The following LRP1B variants were observed in gnomAD, a reference collection of about 807,000 sequenced individuals.
The protein encoded by LRP1B is LDL receptor related protein 1B.
A neutral mutation model predicts 556.6 loss-of-function variants in LRP1B; 217 were observed. The observed-to-expected ratio is 0.39, with a 90% confidence interval of 0.35 to 0.44. The LOEUF is 0.44. Among genes scored for constraint, LRP1B ranks in the 20% least tolerant of loss-of-function variants. The pLI is 1.00. For missense variants in LRP1B, 5,053 were observed against 5,620.8 expected (o/e 0.90, Z 3.23); for synonymous variants, 2,047 against 1,865.8 (o/e 1.10, Z -2.50).
chr2:141,509,415 T>C (rs962020158), intron 2 of LRP1B, among the ~76,000 whole-genome samples: 8 of 152,148 alleles, frequency 5.3e-5, no homozygotes, highest in Admixed American at 2.0e-4. Flanking sequence ...ACGGAAACAA[T>C]AGGGTGGTTG....
chr2:141,481,881 G>A (rs189744158), intron 2 of LRP1B, among the ~76,000 whole-genome samples: 42 of 152,198 alleles, frequency 2.8e-4, no homozygotes, highest in African/African-American at 9.9e-4. Context: ...AATGTTTGGT[G>A]TTATCATAGT....
intron 2 of LRP1B, among the ~76,000 whole-genome samples, chr2:141,600,758 A>G (rs1303166201): frequency 6.6e-6 from 1 of 152,044 alleles, no homozygotes; most frequent in Non-Finnish European, 1.5e-5. Flanking sequence ...CCCTTTACAA[A>G]CACAGAACTC....
In LRP1B at chr2:141,464,606, A is replaced by ATATT; in HGVS notation, c.343+15789_343+15790insAATA. Among the ~76,000 whole-genome samples the ATATT allele has an allele frequency of 3.8e-4, 34 of 90,532 alleles. 1 individual carries two copies. The highest frequency in any genetic ancestry group is 1.1e-3 in the African/African-American group (26 of 23,364). 59.4% of individuals were successfully genotyped at this position (90,532 alleles called of 152,430 possible). ...TTTGTATATATATATATATATATAT[A>ATATT]TTTTTTTAGTAGAGATGGGGTTTCA... On this transcript the variant is annotated intron_variant, in intron 3 of 90. Transcript: ENST00000389484.
At chr2:140,898,073 C>T (rs1694002448) in intron 23 of LRP1B, among the ~76,000 whole-genome samples, 1 of 152,118 alleles carries the variant, frequency 6.6e-6, no homozygotes, top group Non-Finnish European at 1.5e-5. Context: ...GGGTCTGCCC[C>T]ATAACCTGGG....
At chr2:140,866,534 T>C (rs777142440) in intron 27 of LRP1B, among the ~76,000 whole-genome samples, 1 of 151,992 alleles carries the variant, frequency 6.6e-6, no homozygotes, top group South Asian at 2.1e-4. Flanking sequence ...AGAAACCATA[T>C]GTATAGAAAC....
chr2:141,386,064 G>T (rs1689825666), intron 3 of LRP1B, among the ~76,000 whole-genome samples: 1 of 152,072 alleles, frequency 6.6e-6, no homozygotes, highest in Non-Finnish European at 1.5e-5. Flanking sequence ...GATAGTGACA[G>T]CTTTGTTTTC....
intron 11 of LRP1B, among the ~76,000 whole-genome samples, chr2:141,036,664 C>A (rs1039245346): frequency 6.6e-6 from 1 of 151,942 alleles, no homozygotes; most frequent in Admixed American, 6.6e-5. Context: ...GGTAAGAAAC[C>A]CCCTGGTCCC....
chr2:141,437,705 G>A (rs1680814141), intron 3 of LRP1B, among the ~76,000 whole-genome samples: 1 of 151,806 alleles, frequency 6.6e-6, no homozygotes, highest in Non-Finnish European at 1.5e-5. Context: ...AGAGACAAAA[G>A]CAGCATTGTC....
At chr2:141,505,970 C>T (rs921107994) in intron 2 of LRP1B, among the ~76,000 whole-genome samples, 22 of 152,058 alleles carry the variant, frequency 1.4e-4, no homozygotes, top group African/African-American at 5.3e-4. Flanking sequence ...TTCCAGACTT[C>T]TAGAACATTT....
At chr2:141,968,323 C>A (rs1281630985) in intron 1 of LRP1B, among the ~76,000 whole-genome samples, 1 of 151,708 alleles carries the variant, frequency 6.6e-6, no homozygotes, top group African/African-American at 2.4e-5. Context: ...ATTAACAGTG[C>A]CCTTCTACTG....
At chr2:140,691,602 A>G (rs185677442) in intron 41 of LRP1B, among the ~76,000 whole-genome samples, 43 of 152,278 alleles carry the variant, frequency 2.8e-4, no homozygotes, top group African/African-American at 9.9e-4. Flanking sequence ...TGTGGGAATT[A>G]TATCTCATTG....
At chr2:141,175,041 G>C (rs576629112) in intron 7 of LRP1B, among the ~76,000 whole-genome samples, 1 of 152,216 alleles carries the variant, frequency 6.6e-6, no homozygotes, top group Admixed American at 6.5e-5. Flanking sequence ...AAACTTGAGG[G>C]AGATGATTTA....
At chr2:140,298,413 CATTAG>C (rs1683691263) in intron 83 of LRP1B, among the ~76,000 whole-genome samples, 2 of 152,078 alleles carry the variant, frequency 1.3e-5, no homozygotes, top group Non-Finnish European at 2.9e-5. Flanking sequence ...CTACATAAAA[CATTAG>C]ATTACACATG....
intron 7 of LRP1B, among the ~76,000 whole-genome samples, chr2:141,141,999 GTTT>G (rs898064402): frequency 6.8e-6 from 1 of 147,692 alleles, no homozygotes; most frequent in Non-Finnish European, 1.5e-5. Flanking sequence ...AAACGATAGG[GTTT>G]TTTTTTTTCT....
At chr2:140,379,391 C>T (rs1265726154) in intron 67 of LRP1B, among the ~76,000 whole-genome samples, 1 of 152,052 alleles carries the variant, frequency 6.6e-6, no homozygotes, top group Non-Finnish European at 1.5e-5. Context: ...TTCCTACATT[C>T]CTATATAAAG....
At chr2:140,896,798 A>ATTT (rs66552580) in intron 23 of LRP1B, among the ~76,000 whole-genome samples, 3 of 151,478 alleles carry the variant, frequency 2.0e-5, no homozygotes, top group South Asian at 2.1e-4. Context: ...TGCTATCATC[A>ATTT]TTTTTTTTTC....
chr2:141,164,223 G>A (rs1680155470), intron 7 of LRP1B, among the ~76,000 whole-genome samples: 1 of 151,910 alleles, frequency 6.6e-6, no homozygotes, highest in Non-Finnish European at 1.5e-5. Flanking sequence ...AGAGCCGTAA[G>A]AACTAAGCGT....
Position 140,970,873 on chromosome 2 carries a change from G to A in LRP1B, c.2887+11287C>T, listed in dbSNP as rs567214175. ...CTCCCATCTCACCCTCCCTAGTAGC[G>A]GGGACTACAGGCATATACCACCACA... On this transcript the variant is annotated intron_variant, in intron 18 of 90. Coordinates refer to ENST00000389484, the MANE Select transcript of LRP1B (RefSeq NM_018557.3). Among the ~76,000 whole-genome samples, 26 of 151,296 alleles carry A rather than the reference G, an allele frequency of 1.7e-4. 1 individual carries two copies. The highest frequency in any genetic ancestry group is 4.4e-4 in the African/African-American group (18 of 41,198).
At chr2:141,031,120 G>T (rs919267267) in intron 11 of LRP1B, among the ~76,000 whole-genome samples, 6 of 151,800 alleles carry the variant, frequency 4.0e-5, no homozygotes, top group Admixed American at 2.6e-4. Context: ...TACAGCAACA[G>T]ATATTTTGTC....
Sources: allele counts gnomAD v4.1 joint callset (sites outside exome capture counted in the v4.1 genomes callset), GRCh38; gene constraint gnomAD v4.1.1; transcripts MANE v1.5; gene names NCBI Gene and HGNC (gene_info 2026-07-23, HGNC 2026-07-21).